Variants in PPY observed in about 807,000 individuals in gnomAD.
PPY encodes the protein pancreatic polypeptide prohormone.
PPY carries 6 observed loss-of-function variants against 9.3 expected under a neutral mutation model. That is an observed-to-expected ratio of 0.64 (90% CI 0.35 to 1.27). PPY has a LOEUF of 1.27. Among genes scored for constraint, PPY ranks in the 50% most tolerant of loss-of-function variants. PPY has a pLI of 0.03. For synonymous variants in PPY, 58 were observed against 54.6 expected (o/e 1.06, Z -0.27); for missense variants, 109 against 119.1 (o/e 0.91, Z 0.40).
chr17:43,943,605 G>A (rs2048591935), upstream of PPY, among the ~76,000 whole-genome samples: 1 of 152,144 alleles, frequency 6.6e-6, no homozygotes, highest in Non-Finnish European at 1.5e-5. Context: ...GTGGTAACTG[G>A]CTGTGTCTGA....
chr17:43,941,641 C>A lies in PPY; in HGVS notation c.14G>T (p.Arg5Leu), dbSNP rs752492605. The A allele has an allele frequency of 6.2e-7, 1 of 1,606,922 alleles. No individual in the cohort carries two copies. The highest frequency in any genetic ancestry group is 8.5e-7 in the Non-Finnish European group (1 of 1,177,366). ...CAGGAGCAGCAGGGAGAGGCAGAGGCGTGCGGCAGCCATCTGAGGAGCAAG... is the reference window on the plus strand; with the variant it reads ...CAGGAGCAGCAGGGAGAGGCAGAGGAGTGCGGCAGCCATCTGAGGAGCAAG... MAAARLCLSLLLLST... is the reference protein window; with the variant it reads MAAALLCLSLLLLST... Residue 5 changes from arginine (R) to leucine (L), a missense_variant, in exon 2 of 4, where the codon CGC (arginine) becomes CTC (leucine). Transcript: ENST00000225992.
At position 43,942,390 on chromosome 17, in the gene PPY, C is replaced by G. The variant is rs991751585; in HGVS notation, c.-1+31G>C. Reference sequence around the variant, plus strand: ...CCAGGCCCCAGCCTGGGGGAGGCCCCCAGAGCCCCAGGCAGGCTGAGCCCA... The same window carrying G: ...CCAGGCCCCAGCCTGGGGGAGGCCCGCAGAGCCCCAGGCAGGCTGAGCCCA... On this transcript the variant is annotated intron_variant, in intron 1 of 3. Transcript: ENST00000225992. The surrounding 1 kb of genome is among the most constrained non-coding windows in gnomAD (Gnocchi z 5.3). The G allele has an allele frequency of 6.6e-6, 1 of 152,490 alleles. No homozygotes were observed. Among genetic ancestry groups the G allele is most frequent in the African/African-American group, 2.4e-5 (1 of 41,482 alleles). The allele number at this position is 152,490 out of a possible 1,614,324, so 9.4% of individuals were successfully genotyped here. A position where few individuals can be genotyped will look rare whatever the true frequency, so the allele number is the denominator to read the frequency against.
intron 1 of PPY, 120 bp from the exon 2 acceptor site, chr17:43,941,774 AG>A: frequency 2.6e-6 from 3 of 1,133,592 alleles, no homozygotes; most frequent in South Asian, 1.5e-5. Flanking sequence ...CCTGGGGACA[AG>A]GGGGCAGAGC....
At chr17:43,941,358 C>A in intron 2 of PPY, 106 bp downstream of exon 2, 2 of 1,550,598 alleles carry the variant, frequency 1.3e-6, no homozygotes, top group East Asian at 2.3e-5. Context: ...CAAGAGCAGG[C>A]CTGGAAGGGG....
Position 43,941,540 on chromosome 17 carries a change from C to T in PPY, c.115G>A (p.Asp39Asn), listed in dbSNP as rs1020076682. The T allele has an allele frequency of 1.2e-6, 2 of 1,614,028 alleles. No homozygotes were observed. The highest frequency in any genetic ancestry group is 2.2e-5 in the East Asian group (1 of 44,886). Reference sequence around the variant, plus strand: ...GCCATCTGCTCTGGTGTGGCATTGTCCCCTGGGTACACTGGCTCCAGTGGG... The same window carrying T: ...GCCATCTGCTCTGGTGTGGCATTGTTCCCTGGGTACACTGGCTCCAGTGGG... ...GAPLEPVYPGDNATPEQMAQY... is the reference protein window; with the variant it reads ...GAPLEPVYPGNNATPEQMAQY... Residue 39 changes from aspartate (D) to asparagine (N), a missense_variant, in exon 2 of 4, where the codon GAC (aspartate) becomes AAC (asparagine). Coordinates refer to ENST00000225992, the MANE Select transcript of PPY (RefSeq NM_002722.5).
At chr17:43,943,148 T>C (rs1231597309), upstream of PPY, among the ~76,000 whole-genome samples, 1 of 152,160 alleles carries the variant, frequency 6.6e-6, no homozygotes, top group Non-Finnish European at 1.5e-5. Flanking sequence ...CCTCCCCATC[T>C]CAGAGCCCCC....
chr17:43,941,957 A>G (rs2048582332), intron 1 of PPY, among the ~76,000 whole-genome samples: 1 of 152,136 alleles, frequency 6.6e-6, no homozygotes, highest in Admixed American at 6.5e-5. Context: ...CCAGGGCCTC[A>G]TGGCTCCCAG....
chr17:43,943,623 G>A (rs371117415), upstream of PPY, among the ~76,000 whole-genome samples: 7 of 152,146 alleles, frequency 4.6e-5, no homozygotes, highest in Non-Finnish European at 8.8e-5. Context: ...TGAATGACAC[G>A]GTGACACCAA....
At chr17:43,941,013 TCAGG>T (rs2048571719) in intron 3 of PPY, 61 bp from the exon 4 acceptor site, 8 of 1,572,234 alleles carry the variant, frequency 5.1e-6, no homozygotes, top group Non-Finnish European at 4.3e-6. Context: ...TCAGGAGGCC[TCAGG>T]CTGGCCCTGG....
chr17:43,943,215 T>A (rs556690329), upstream of PPY, among the ~76,000 whole-genome samples: 2 of 152,260 alleles, frequency 1.3e-5, no homozygotes, highest in East Asian at 3.9e-4. Context: ...TTTTCCAAAG[T>A]GCTGCCAGCT....
Position 43,941,618 on chromosome 17 carries a change from G to A in PPY, c.37C>T (p.Leu13=), listed in dbSNP as rs200040179. ...AARLCLSLLL[L]STCVALLLQP... ...AGTAACAGAGCCACGCAGGTGGACAGGAGCAGCAGGGAGAGGCAGAGGCGT... is the reference window on the plus strand; with the variant it reads ...AGTAACAGAGCCACGCAGGTGGACAAGAGCAGCAGGGAGAGGCAGAGGCGT... Residue 13 remains leucine (L), a synonymous_variant, in exon 2 of 4, where the codon CTG becomes TTG. Transcript: ENST00000225992. 66 of 1,612,702 alleles carry A rather than the reference G, an allele frequency of 4.1e-5. No homozygotes were observed. The East Asian group carries it at 4.7e-4, about 11-fold the overall frequency.
At chr17:43,942,925 G>A (rs2048588034), upstream of PPY, among the ~76,000 whole-genome samples, 1 of 152,194 alleles carries the variant, frequency 6.6e-6, no homozygotes, top group Non-Finnish European at 1.5e-5. The surrounding 1 kb of genome is among the most constrained non-coding windows in gnomAD (Gnocchi z 5.3). Flanking sequence ...CCTCCAGGCT[G>A]AAGAATGGAA....
chr17:43,941,326 G>T, intron 2 of PPY, 112 bp from the exon 3 acceptor site: 1 of 1,503,026 alleles, frequency 6.7e-7, no homozygotes, highest in Non-Finnish European at 9.1e-7. Context: ...TAGGCCTGTT[G>T]AGCACAGATG....
At position 43,942,121 on chromosome 17, in the gene PPY, C is replaced by T. The variant is rs748877626; in HGVS notation, c.-1+300G>A. The T allele has an allele frequency of 3.1e-4, 67 of 215,654 alleles. No homozygotes were observed. Among genetic ancestry groups the T allele is most frequent in the Non-Finnish European group, 4.6e-4 (48 of 105,334 alleles). 13.4% of individuals were successfully genotyped at this position (215,654 alleles called of 1,614,324 possible). A position where few individuals can be genotyped will look rare whatever the true frequency, so the allele number is the denominator to read the frequency against. ...ACACAGATATCGGTCCTGGAGAAGA[C>T]GCTACTGTCCATGTCGTCCTGCACA... On this transcript the variant is annotated intron_variant, in intron 1 of 3. Transcript: ENST00000225992. This position sits in a 1 kb window ranked among gnomAD's most constrained non-coding sequence, Gnocchi z 5.3.
At chr17:43,942,685 G>A (rs1450929849), upstream of PPY, among the ~76,000 whole-genome samples, 1 of 152,190 alleles carries the variant, frequency 6.6e-6, no homozygotes, top group Non-Finnish European at 1.5e-5. This position sits in a 1 kb window ranked among gnomAD's most constrained non-coding sequence, Gnocchi z 5.3. Context: ...CTGGACCACA[G>A]TAAAAGTCTC....
chr17:43,941,338 CCT>C lies in PPY; in HGVS notation c.191+124_191+125del, dbSNP rs753374074. 26 of 1,516,074 alleles carry C rather than the reference CCT, an allele frequency of 1.7e-5. No homozygotes were observed. In the East Asian group the frequency reaches 6.0e-4, roughly 35 times the overall value. The allele number at this position is 1,516,074 out of a possible 1,614,324, so 93.9% of individuals were successfully genotyped here. A position where few individuals can be genotyped will look rare whatever the true frequency, so the allele number is the denominator to read the frequency against. On this transcript the variant is annotated intron_variant, in intron 2 of 3. Coordinates refer to ENST00000225992, the MANE Select transcript of PPY (RefSeq NM_002722.5). ...GTCTAGGCCTGTTGAGCACAGATGC[CCT>C]GTTTTCCCAAGAGCAGGCCTGGAAG...
chr17:43,941,469 C>T lies in PPY; in HGVS notation c.186G>A (p.Arg62=). The part of the protein sequence containing the change: ...DLRRYINMLT[R]PRYGKRHKED... ...TCCCCAACTGTGGCACACACCTAGGCCTGGTCAGCATGTTGATGTATCTAC... is the reference window on the plus strand; with the variant it reads ...TCCCCAACTGTGGCACACACCTAGGTCTGGTCAGCATGTTGATGTATCTAC... Residue 62 remains arginine (R), a synonymous_variant, in exon 2 of 4, where the codon AGG becomes AGA. Transcript: ENST00000225992. 6.2e-7 allele frequency: 1 copy of T among 1,613,860 alleles called. No individual in the cohort carries two copies. The highest frequency in any genetic ancestry group is 1.1e-5 in the South Asian group (1 of 91,072).
At chr17:43,941,366 G>T (rs772879495) in intron 2 of PPY, 98 bp downstream of exon 2, 1 of 1,552,698 alleles carries the variant, frequency 6.4e-7, no homozygotes, top group Admixed American at 1.8e-5. Flanking sequence ...GGCCTGGAAG[G>T]GGCTGGGGCT....
Position 43,941,645 on chromosome 17 carries a change from C to T in PPY, c.10G>A (p.Ala4Thr), listed in dbSNP as rs756759648. The change falls in exon 2 of 4, where the codon GCA (alanine) becomes ACA (threonine). Residue 4 changes from alanine (A) to threonine (T), a missense_variant. By Grantham distance (58) the Ala-to-Thr change is moderately conservative (BLOSUM62 0). Coordinates refer to ENST00000225992, the MANE Select transcript of PPY (RefSeq NM_002722.5). Reference sequence around the variant, plus strand: ...AGCAGCAGGGAGAGGCAGAGGCGTGCGGCAGCCATCTGAGGAGCAAGCAGA... The same window carrying T: ...AGCAGCAGGGAGAGGCAGAGGCGTGTGGCAGCCATCTGAGGAGCAAGCAGA... The part of the protein sequence containing the change: MAA[A>T]RLCLSLLLLS... 12 of 1,604,732 alleles carry T rather than the reference C, an allele frequency of 7.5e-6. No homozygotes were observed. The Admixed American group carries it at 1.2e-4, about 16-fold the overall frequency.
Sources: allele counts gnomAD v4.1 joint callset (sites outside exome capture counted in the v4.1 genomes callset), GRCh38; gene constraint gnomAD v4.1.1; non-coding constraint Gnocchi (gnomAD v3.1); transcripts MANE v1.5; gene names NCBI Gene and HGNC (gene_info 2026-07-23, HGNC 2026-07-21).